PGCKA1: variants seen among roughly 807,000 people sequenced by gnomAD.
PGCKA1 encodes PDCD10 and GCKIII kinases associated 1, also known as PDCD10 and GCKIII kinases-associated protein 1.
At chr4:37,474,032 G>A in the PGCKA1 span, among the ~76,000 whole-genome samples, 1 of 152,116 alleles carries the variant, frequency 6.6e-6, no homozygotes, top group African/African-American at 2.4e-5. Context: ...CCTCTCTAGG[G>A]CAAAGACTGG....
chr4:37,479,132 T>C, the PGCKA1 span, among the ~76,000 whole-genome samples: 6 of 152,246 alleles, frequency 3.9e-5, no homozygotes, highest in East Asian at 9.6e-4. Flanking sequence ...TAATGGGATA[T>C]GCCTGTTCAT....
the PGCKA1 span, among the ~76,000 whole-genome samples, chr4:37,466,672 C>T: frequency 7.4e-6 from 1 of 135,274 alleles, no homozygotes; most frequent in Admixed American, 7.5e-5. Flanking sequence ...TCAATAAGAT[C>T]ACCAGTACCT....
chr4:37,466,400 A>G, the PGCKA1 span, among the ~76,000 whole-genome samples: 4 of 152,236 alleles, frequency 2.6e-5, no homozygotes, highest in African/African-American at 9.6e-5. Context: ...CAAACTGTCT[A>G]CGCTGACATA....
the PGCKA1 span, among the ~76,000 whole-genome samples, chr4:37,472,006 A>G: frequency 6.6e-6 from 1 of 152,230 alleles, no homozygotes; most frequent in East Asian, 1.9e-4. Flanking sequence ...ATTAATATGT[A>G]TGGCTACCTT....
At chr4:37,529,773 T>G in the PGCKA1 span, among the ~76,000 whole-genome samples, 1 of 152,100 alleles carries the variant, frequency 6.6e-6, no homozygotes, top group Admixed American at 6.5e-5. Context: ...CAACCTTGAG[T>G]TGATTTAAAA....
At chr4:37,555,924 A>T in the PGCKA1 span, among the ~76,000 whole-genome samples, 1 of 152,090 alleles carries the variant, frequency 6.6e-6, no homozygotes, top group Non-Finnish European at 1.5e-5. Context: ...GTTCCCCCTG[A>T]GTCTCCTCCT....
the PGCKA1 span, among the ~76,000 whole-genome samples, chr4:37,540,721 G>C: frequency 6.6e-6 from 1 of 152,008 alleles, no homozygotes; most frequent in African/African-American, 2.4e-5. Flanking sequence ...AGCTTGCAAA[G>C]CTTGTTCAGA....
the PGCKA1 span, among the ~76,000 whole-genome samples, chr4:37,470,474 T>C: frequency 6.6e-6 from 1 of 152,214 alleles, no homozygotes; most frequent in Admixed American, 6.5e-5. Flanking sequence ...GGTACTAATC[T>C]TCATGCATGT....
chr4:37,582,639 C>T, the PGCKA1 span, among the ~76,000 whole-genome samples: 3 of 152,178 alleles, frequency 2.0e-5, no homozygotes, highest in East Asian at 5.8e-4. Flanking sequence ...GTTGTTTCAA[C>T]TCAGAGTATG....
the PGCKA1 span, among the ~76,000 whole-genome samples, chr4:37,509,074 C>T: frequency 6.6e-6 from 1 of 151,052 alleles, no homozygotes; most frequent in Non-Finnish European, 1.5e-5. Context: ...CCTATGTCTA[C>T]TTCTTTCTAC....
At chr4:37,512,054 C>T in the PGCKA1 span, among the ~76,000 whole-genome samples, 7 of 152,182 alleles carry the variant, frequency 4.6e-5, no homozygotes, top group East Asian at 5.8e-4. Flanking sequence ...ACTGTGCTCT[C>T]CCTCTTTCAA....
At chr4:37,491,658 A>C in the PGCKA1 span, among the ~76,000 whole-genome samples, 1 of 152,162 alleles carries the variant, frequency 6.6e-6, no homozygotes, top group East Asian at 1.9e-4. Flanking sequence ...CCTTGGTGTG[A>C]GTTTATTTCC....
At chr4:37,588,914 A>C in the PGCKA1 span, 1 of 1,605,882 alleles carries the variant, frequency 6.2e-7, no homozygotes, top group Non-Finnish European at 8.5e-7. Context: ...AGCTGGAGAA[A>C]TACTACTTCT....
At chr4:37,543,129 G>A in the PGCKA1 span, among the ~76,000 whole-genome samples, 58 of 152,194 alleles carry the variant, frequency 3.8e-4, no homozygotes, top group South Asian at 8.9e-3. Flanking sequence ...AAACGAAATC[G>A]CTCTTTTAAG....
chr4:37,503,722 A>C, the PGCKA1 span, among the ~76,000 whole-genome samples: 2 of 152,104 alleles, frequency 1.3e-5, no homozygotes, highest in Non-Finnish European at 2.9e-5. Context: ...GCACCTTTTC[A>C]TGTACCTGTT....
the PGCKA1 span, among the ~76,000 whole-genome samples, chr4:37,473,943 C>T: frequency 2.0e-5 from 3 of 152,160 alleles, no homozygotes; most frequent in Admixed American, 6.5e-5. Flanking sequence ...TGCAGTCTAT[C>T]GGTGCTCCAC....
chr4:37,482,395 G>A, the PGCKA1 span, among the ~76,000 whole-genome samples: 1 of 152,154 alleles, frequency 6.6e-6, no homozygotes, highest in Non-Finnish European at 1.5e-5. Flanking sequence ...CTGGAGTAAA[G>A]GTCACTCTTG....
chr4:37,502,464 C>T, the PGCKA1 span, among the ~76,000 whole-genome samples: 1 of 152,104 alleles, frequency 6.6e-6, no homozygotes, highest in Non-Finnish European at 1.5e-5. Context: ...GGGAAGTCTC[C>T]AGTGTTTTCC....
chr4:37,509,368 C>T, the PGCKA1 span, among the ~76,000 whole-genome samples: 3 of 140,872 alleles, frequency 2.1e-5, no homozygotes, highest in Non-Finnish European at 4.6e-5. Flanking sequence ...CATGGGGTCA[C>T]GGCAGGGCAG....
Sources: allele counts gnomAD v4.1 joint callset (sites outside exome capture counted in the v4.1 genomes callset), GRCh38; gene constraint gnomAD v4.1.1; transcripts MANE v1.5; gene names NCBI Gene and HGNC (gene_info 2026-07-23, HGNC 2026-07-21).